The following KIF18A variants were observed in gnomAD, a reference collection of about 807,000 sequenced individuals.
The protein encoded by KIF18A is kinesin family member 18A.
Under a neutral mutation model 103.3 loss-of-function variants are expected in KIF18A, and 67 were observed. The ratio of observed to expected loss-of-function variants is 0.65; its 90% CI spans 0.53 to 0.79. The LOEUF is 0.79. Ranked by LOEUF, KIF18A falls within the 30% of genes least tolerant of loss-of-function variation. The pLI, the probability that KIF18A is intolerant of heterozygous loss-of-function variation, is 0.00. For missense variants in KIF18A, 1,032 were observed against 1,062.5 expected, an observed-to-expected ratio of 0.97 and a Z score of 0.40; for synonymous variants, 367 against 355.5, an observed-to-expected ratio of 1.03 and a Z score of -0.36.
Position 28,098,029 on chromosome 11 carries a change from G to C in KIF18A, c.-46-36C>G, listed in dbSNP as rs193218783. On this transcript the variant is annotated intron_variant, in intron 1 of 16. Transcript: ENST00000263181. ...AAAAGAAAATAAAGTTTTAATATCA[G>C]TTTTTACTTTCATGCAAAACAACTG... 6.3e-6 allele frequency: 7 copies of C among 1,103,644 alleles called. No individual in the cohort carries two copies. In the African/African-American group the frequency reaches 1.1e-4, roughly 17 times the overall value. 68.4% of individuals were successfully genotyped at this position (1,103,644 alleles called of 1,614,324 possible). A position where few individuals can be genotyped will look rare whatever the true frequency, so the allele number is the denominator to read the frequency against.
chr11:28,066,191 G>A (rs1024826588), intron 11 of KIF18A, among the ~76,000 whole-genome samples: 2 of 151,966 alleles, frequency 1.3e-5, no homozygotes, highest in Non-Finnish European at 2.9e-5. Flanking sequence ...GACTGCTTTA[G>A]ATATACAGTC....
At chr11:28,106,946 G>C (rs1171564898) in intron 1 of KIF18A, among the ~76,000 whole-genome samples, 1 of 152,122 alleles carries the variant, frequency 6.6e-6, no homozygotes, top group Non-Finnish European at 1.5e-5. Flanking sequence ...ACTCCAGCTT[G>C]GACCACAGAG....
intron 11 of KIF18A, among the ~76,000 whole-genome samples, chr11:28,067,789 A>C (rs1850953702): frequency 6.6e-6 from 1 of 152,178 alleles, no homozygotes; most frequent in African/African-American, 2.4e-5. Context: ...ACTGAAAAGA[A>C]GTTGTTCTTT....
At chr11:28,034,726 C>T (rs556349036) in intron 15 of KIF18A, among the ~76,000 whole-genome samples, 36 of 151,806 alleles carry the variant, frequency 2.4e-4, no homozygotes, top group African/African-American at 8.2e-4. Flanking sequence ...ATTTTCTGTT[C>T]GGCCTCTATG....
intron 12 of KIF18A, among the ~76,000 whole-genome samples, chr11:28,060,134 G>C (rs1262080693): frequency 1.3e-5 from 2 of 152,158 alleles, no homozygotes; most frequent in African/African-American, 2.4e-5. Flanking sequence ...CTCTGTGTAA[G>C]TGTTCATTGA....
rs1177617216 is a variant in KIF18A, at chr11:28,035,788, GT to G, written c.2397-295del. ...TATGCAGATAAAGTGAGAAGGATAT[GT>G]TTGCTTGGATGACACACATTCAACC... On this transcript the variant is annotated intron_variant, in intron 14 of 16. Transcript: ENST00000263181. Among the ~76,000 whole-genome samples, 3 of 151,616 alleles carry G rather than the reference GT, an allele frequency of 2.0e-5. No homozygotes were observed. The East Asian group carries it at 5.8e-4, about 29-fold the overall frequency.
chr11:28,068,589 C>T (rs1264474602), intron 11 of KIF18A, among the ~76,000 whole-genome samples: 3 of 152,100 alleles, frequency 2.0e-5, no homozygotes, highest in East Asian at 1.9e-4. Flanking sequence ...AACATCTTTG[C>T]TCTCCTGATA....
intron 1 of KIF18A, among the ~76,000 whole-genome samples, chr11:28,098,873 A>C (rs1248796039): frequency 6.8e-6 from 1 of 147,966 alleles, no homozygotes; most frequent in Non-Finnish European, 1.5e-5. Context: ...AACAACAACA[A>C]AAAGACAAAA....
intron 9 of KIF18A, among the ~76,000 whole-genome samples, chr11:28,079,605 T>C (rs1048960992): frequency 6.6e-6 from 1 of 152,116 alleles, no homozygotes; most frequent in Non-Finnish European, 1.5e-5. Flanking sequence ...GTTTAAGTTG[T>C]AGTTGGTTTC....
intron 10 of KIF18A, among the ~76,000 whole-genome samples, chr11:28,075,277 G>A (rs1851074476): frequency 6.6e-6 from 1 of 152,116 alleles, no homozygotes; most frequent in African/African-American, 2.4e-5. Context: ...AAACATAAGA[G>A]CACAGGCTCT....
At chr11:28,031,215 A>G (rs1216661245) in intron 15 of KIF18A, among the ~76,000 whole-genome samples, 3 of 152,182 alleles carry the variant, frequency 2.0e-5, no homozygotes, top group Non-Finnish European at 4.4e-5. Flanking sequence ...TCATGCTGCT[A>G]TAAAGACACA....
At chr11:28,071,094 A>C (rs1851007404) in intron 10 of KIF18A, among the ~76,000 whole-genome samples, 1 of 152,194 alleles carries the variant, frequency 6.6e-6, no homozygotes, top group African/African-American at 2.4e-5. Flanking sequence ...GAATGCTATC[A>C]TGCAAAGGTT....
chr11:28,093,023 T>G (rs990859790), intron 3 of KIF18A, among the ~76,000 whole-genome samples: 7 of 152,194 alleles, frequency 4.6e-5, no homozygotes, highest in Admixed American at 2.6e-4. Context: ...AATTAAAATA[T>G]CCCAAGTGTG....
intron 1 of KIF18A, among the ~76,000 whole-genome samples, chr11:28,105,425 T>G (rs1851491403): frequency 1.3e-5 from 2 of 152,170 alleles, no homozygotes; most frequent in African/African-American, 4.8e-5. Flanking sequence ...TTAAAACATT[T>G]AATTGGCAAA....
intron 12 of KIF18A, among the ~76,000 whole-genome samples, chr11:28,061,687 C>G (rs1850857948): frequency 6.6e-6 from 1 of 151,920 alleles, no homozygotes; most frequent in Non-Finnish European, 1.5e-5. Context: ...ATATGATTTC[C>G]TCTAAATCAA....
intron 15 of KIF18A, among the ~76,000 whole-genome samples, chr11:28,033,985 C>G (rs1850446174): frequency 1.3e-5 from 2 of 151,338 alleles, no homozygotes; most frequent in South Asian, 4.2e-4. Context: ...TACTACGTAC[C>G]CACAAAAATA....
At chr11:28,039,131 G>T (rs1228787256) in intron 13 of KIF18A, among the ~76,000 whole-genome samples, 1 of 151,608 alleles carries the variant, frequency 6.6e-6, no homozygotes. Flanking sequence ...CTAGAAAAAA[G>T]CGGATATTAC....
chr11:28,032,448 C>CA (rs1254641901), intron 15 of KIF18A, among the ~76,000 whole-genome samples: 2 of 151,874 alleles, frequency 1.3e-5, no homozygotes, highest in African/African-American at 4.8e-5. Context: ...GGAGGAATCA[C>CA]ATTACCTGAC....
At chr11:28,036,069 TCA>T (rs542524432) in intron 14 of KIF18A, 146 bp downstream of exon 14, 336 of 579,262 alleles carry the variant, frequency 5.8e-4, no homozygotes, top group Non-Finnish European at 8.0e-4. Context: ...GAATTAATAT[TCA>T]GAGAGAAAGA....
Sources: gnomAD v4.1 joint callset for allele counts (sites outside exome capture counted in the v4.1 genomes callset) on GRCh38, gnomAD v4.1.1 for gene constraint, MANE v1.5 for transcripts, NCBI Gene and HGNC (gene_info 2026-07-23, HGNC 2026-07-21) for gene names.